BAG1: variants seen among roughly 807,000 people sequenced by gnomAD.
BAG1 encodes BAG family molecular chaperone regulator 1.
In BAG1, 35 loss-of-function variants were observed where a neutral mutation model predicts 35.5. That is an observed-to-expected ratio of 0.99 (90% confidence interval 0.75 to 1.31). The LOEUF is 1.31. Among genes scored for constraint, BAG1 ranks in the 50% most tolerant of loss-of-function variants. The probability of loss-of-function intolerance (pLI) is 0.00; values close to 1 mark genes in which losing one functional copy is unlikely to be tolerated. For synonymous variants in BAG1, 191 were observed against 178.9 expected, an observed-to-expected ratio of 1.07 and a Z score of -0.54; for missense variants, 464 against 453.6, an observed-to-expected ratio of 1.02 and a Z score of -0.21.
chr9:33,255,584 G>C (rs952762814), intron 6 of BAG1, among the ~76,000 whole-genome samples: 1 of 152,204 alleles, frequency 6.6e-6, no homozygotes, highest in African/African-American at 2.4e-5. Flanking sequence ...CTGCACAATC[G>C]CAGGAAGCAC....
rs1378137019 is a variant in BAG1 at position 33,257,019 on chromosome 9, A to G, written c.778-111T>C. 27 of 760,678 alleles carry G rather than the reference A, an allele frequency of 3.5e-5. No individual in the cohort carries two copies. In the Admixed American group the frequency reaches 6.3e-4, roughly 18 times the overall value. 47.1% of individuals were successfully genotyped at this position (760,678 alleles called of 1,614,324 possible). A position where few individuals can be genotyped will look rare whatever the true frequency, so the allele number is the denominator to read the frequency against. ...GAGCCCACCATAGCCCTGGCAGGCC[A>G]GGCCACATCTCAGATCCACAACTTT... On this transcript the variant is annotated intron_variant, in intron 4 of 6. Coordinates refer to ENST00000634734, the MANE Select transcript of BAG1 (RefSeq NM_004323.6).
intron 3 of BAG1, among the ~76,000 whole-genome samples, 164 bp downstream of exon 3, chr9:33,260,923 A>C (rs1014856745): frequency 3.3e-5 from 5 of 152,206 alleles, no homozygotes; most frequent in Non-Finnish European, 7.3e-5. Flanking sequence ...GTATGAGAAC[A>C]ACAAAACTGG....
chr9:33,264,615 C>G lies in BAG1; in HGVS notation c.60G>C (p.Arg20=). 1 of 1,362,860 alleles carries G rather than the reference C, an allele frequency of 7.3e-7. No homozygotes were observed. The highest frequency in any genetic ancestry group is 1.8e-5 in the South Asian group (1 of 55,670). 84.4% of individuals were successfully genotyped at this position (1,362,860 alleles called of 1,614,324 possible). Residue 20 remains arginine (R), a synonymous_variant, in exon 1 of 7, where the codon CGG becomes CGC. Coordinates refer to ENST00000634734, the MANE Select transcript of BAG1 (RefSeq NM_004323.6). Reference sequence around the variant, plus strand: ...CCCGGCCTGGCCGAAGGGCGCGCAGCCGGGAACCCAGCCGCTCCCGGTCGC... The same window carrying G: ...CCCGGCCTGGCCGAAGGGCGCGCAGGCGGGAACCCAGCCGCTCCCGGTCGC...
In BAG1 at chr9:33,262,232, A is replaced by G. The variant is rs1197837755; in HGVS notation, c.580+470T>C. ...CCAATACCTAGCAGGTCCTCAATAAATATCTGTTGAAGAACTGAATGAATA... is the reference window on the plus strand; with the variant it reads ...CCAATACCTAGCAGGTCCTCAATAAGTATCTGTTGAAGAACTGAATGAATA... On this transcript the variant is annotated intron_variant, in intron 2 of 6. Coordinates refer to ENST00000634734, the MANE Select transcript of BAG1 (RefSeq NM_004323.6). The G allele has an allele frequency of 3.9e-6, 5 of 1,283,276 alleles. No homozygotes were observed. The African/African-American group carries it at 6.1e-5, about 16-fold the overall frequency. The allele number at this position is 1,283,276 out of a possible 1,614,324, so 79.5% of individuals were successfully genotyped here.
rs1259066379 is a variant in BAG1, at chr9:33,264,666, C to A, written c.9G>T (p.Gln3His). 7.4e-7 allele frequency: 1 copy of A among 1,347,660 alleles called. No individual in the cohort carries two copies. Among genetic ancestry groups the A allele is most frequent in the Non-Finnish European group, 9.4e-7 (1 of 1,058,232 alleles). The allele number at this position is 1,347,660 out of a possible 1,614,324, so 83.5% of individuals were successfully genotyped here. ...CTCGCGGTCTCCGCGCCCCCCCGCG[C>A]TGAGCCAGGCCCGCACTTGTTGACC... The change falls in exon 1 of 7, where the codon CAG becomes CAT. Residue 3 changes from glutamine (Q) to histidine (H), a missense_variant. Physicochemically the swap from Gln to His is conservative, Grantham distance 24. Coordinates refer to ENST00000634734, the MANE Select transcript of BAG1 (RefSeq NM_004323.6).
At chr9:33,259,951 AAC>A (rs1429944292) in intron 3 of BAG1, 3 of 152,274 alleles carry the variant, frequency 2.0e-5, no homozygotes, top group Non-Finnish European at 4.4e-5. Context: ...GTAGTAAAGT[AAC>A]ATGAGATCAC....
chr9:33,257,826 T>A (rs980859258), intron 4 of BAG1: 8 of 152,254 alleles, frequency 5.3e-5, no homozygotes, highest in African/African-American at 1.9e-4. Flanking sequence ...GAATAGTTTA[T>A]AAAGTGTAAA....
In BAG1 at chr9:33,262,085, T is replaced by C. The variant is rs758685984; in HGVS notation, c.580+617A>G. The C allele has an allele frequency of 1.4e-5, 18 of 1,282,094 alleles. No individual in the cohort carries two copies. The South Asian group carries it at 1.7e-4, about 12-fold the overall frequency. The allele number at this position is 1,282,094 out of a possible 1,614,324, so 79.4% of individuals were successfully genotyped here. A position where few individuals can be genotyped will look rare whatever the true frequency, so the allele number is the denominator to read the frequency against. On this transcript the variant is annotated intron_variant, in intron 2 of 6. Coordinates refer to ENST00000634734, the MANE Select transcript of BAG1 (RefSeq NM_004323.6). The stretch of plus-strand genomic sequence containing the variant: ...TAGCAGGGAGTACCATGGTAACATA[T>C]AATGGGAAGATGATCTAACCTAGCG...
In BAG1 at chr9:33,255,219, T is replaced by C; in HGVS notation, c.1038A>G (p.Ter346TrpextTer26). 1 of 1,614,210 alleles carries C rather than the reference T, an allele frequency of 6.2e-7. No homozygotes were observed. The highest frequency in any genetic ancestry group is 8.5e-7 in the Non-Finnish European group (1 of 1,180,036). Residue 346 changes from the stop codon to tryptophan (W), a stop_lost, in exon 7 of 7, where the codon TGA (stop) becomes TGG (tryptophan). Coordinates refer to ENST00000634734, the MANE Select transcript of BAG1 (RefSeq NM_004323.6). Reference sequence around the variant, plus strand: ...CAGCACAGCCTTTTTCTGCTACACCTCACTCGGCCAGGGCAAAGTTTGTAG... The same window carrying C: ...CAGCACAGCCTTTTTCTGCTACACCCCACTCGGCCAGGGCAAAGTTTGTAG...
In BAG1 at chr9:33,261,175, A is replaced by G; in HGVS notation, c.581-6T>C. ...CATTTCCTTCAGAGATTTTCCTAAA[A>G]AGAGGAGAAAGGTAGGCCAAGTTGT... On this transcript the variant is annotated splice_polypyrimidine_tract_variant and splice_region_variant and intron_variant, in intron 2 of 6. Coordinates refer to ENST00000634734, the MANE Select transcript of BAG1 (RefSeq NM_004323.6). 1.2e-6 allele frequency: 2 copies of G among 1,600,476 alleles called. No homozygotes were observed. Among genetic ancestry groups the G allele is most frequent in the Non-Finnish European group, 1.7e-6 (2 of 1,172,258 alleles).
intron 2 of BAG1, chr9:33,262,110 G>C (rs998543023): frequency 7.8e-7 from 1 of 1,289,224 alleles, no homozygotes; most frequent in Non-Finnish European, 1.0e-6. Flanking sequence ...CTAACCTAGC[G>C]AGGGAAGACT....
In BAG1 at chr9:33,264,265, T is replaced by C; in HGVS notation, c.410A>G (p.Glu137Gly). The C allele has an allele frequency of 1.9e-6, 3 of 1,613,194 alleles. No homozygotes were observed. The highest frequency in any genetic ancestry group is 2.2e-5 in the East Asian group (1 of 44,870). ...GGTGAGCCCAGCTGCCGCCATTTCC[T>C]CCCTGGTCACCTCCTCGCTCCGGGT... is the stretch of plus-strand genomic sequence containing the variant. Residue 137 changes from glutamate (E) to glycine (G), a missense_variant, in exon 1 of 7, where the codon GAG becomes GGG. Physicochemically the swap from Glu to Gly is moderately conservative, Grantham distance 98. Transcript: ENST00000634734.
At chr9:33,255,434 G>A in intron 6 of BAG1, 126 bp from the exon 7 acceptor site, 3 of 1,465,768 alleles carry the variant, frequency 2.0e-6, no homozygotes, top group South Asian at 1.2e-5. Context: ...GTGCATGAAT[G>A]GAGATGGGCC....
intron 2 of BAG1, chr9:33,262,097 G>A: frequency 7.8e-7 from 1 of 1,287,096 alleles, no homozygotes; most frequent in Non-Finnish European, 1.0e-6. Context: ...ATGGGAAGAT[G>A]ATCTAACCTA....
intron 1 of BAG1, 114 bp downstream of exon 1, chr9:33,264,110 C>T (rs1820645720): frequency 7.8e-7 from 1 of 1,282,806 alleles, no homozygotes; most frequent in African/African-American, 1.5e-5. Flanking sequence ...CCCACGCTTC[C>T]GGACGCCAGG....
Position 33,256,029 on chromosome 9 carries a change from T to C in BAG1, c.886-102A>G, listed in dbSNP as rs531110298. 2.0e-4 allele frequency: 210 copies of C among 1,072,404 alleles called. 1 individual carries two copies. Among genetic ancestry groups the C allele is most frequent in the Non-Finnish European group, 2.6e-4 (185 of 702,136 alleles). 66.4% of individuals were successfully genotyped at this position (1,072,404 alleles called of 1,614,324 possible). A position where few individuals can be genotyped will look rare whatever the true frequency, so the allele number is the denominator to read the frequency against. On this transcript the variant is annotated intron_variant, in intron 5 of 6. Transcript: ENST00000634734. Reference sequence around the variant, plus strand: ...GAGAGCACATAAGAAACACCCACAGTACACAAAACAGGTCACAGGTCACCA... The same window carrying C: ...GAGAGCACATAAGAAACACCCACAGCACACAAAACAGGTCACAGGTCACCA...
At position 33,254,854 on chromosome 9, in the gene BAG1, G is replaced by A. The variant is rs1820417602; in HGVS notation, c.*365C>T. On this transcript the variant is annotated 3_prime_UTR_variant, in exon 7 of 7. Transcript: ENST00000634734. The stretch of plus-strand genomic sequence containing the variant: ...ATCACAAGAGCAAAGAAGCCCTCAT[G>A]TATCTGAAGACTGAGGGGGCCTATA... 1 of 420,396 alleles carries A rather than the reference G, an allele frequency of 2.4e-6. No homozygotes were observed. The highest frequency in any genetic ancestry group is 4.3e-6 in the Non-Finnish European group (1 of 232,596). The allele number at this position is 420,396 out of a possible 1,614,324, so 26.0% of individuals were successfully genotyped here. A position where few individuals can be genotyped will look rare whatever the true frequency, so the allele number is the denominator to read the frequency against.
Position 33,263,768 on chromosome 9 carries a change from G to A in BAG1, c.451+456C>T, listed in dbSNP as rs1820632852. ...ACTCCAACAGTAGGCAGACCCAAAG[G>A]GTGCCCAGAGTACAACGCTTGGACC... On this transcript the variant is annotated intron_variant, in intron 1 of 6. Transcript: ENST00000634734. 4.9e-5 allele frequency among the ~76,000 whole-genome samples: 5 copies of A among 102,186 alleles called. No homozygotes were observed. The Admixed American group carries it at 5.4e-4, about 11-fold the overall frequency. 67.0% of individuals were successfully genotyped at this position (102,186 alleles called of 152,430 possible). A position where few individuals can be genotyped will look rare whatever the true frequency, so the allele number is the denominator to read the frequency against.
chr9:33,262,635 C>G, intron 2 of BAG1, 67 bp downstream of exon 2: 2 of 1,434,828 alleles, frequency 1.4e-6, no homozygotes, highest in Non-Finnish European at 1.8e-6. Context: ...CCAGCCTGGG[C>G]GACAAGAGTG....
Sources: gnomAD v4.1 joint callset for allele counts (sites outside exome capture counted in the v4.1 genomes callset) on GRCh38, gnomAD v4.1.1 for gene constraint, MANE v1.5 for transcripts, NCBI Gene and HGNC (gene_info 2026-07-23, HGNC 2026-07-21) for gene names.